Variants in ZNF600 observed in about 807,000 individuals in gnomAD.
ZNF600 encodes the protein zinc finger protein KR-ZNF1.
In ZNF600, 4 loss-of-function variants were observed where a neutral mutation model predicts 7.3. That is an observed-to-expected ratio of 0.55 (90% confidence interval 0.27 to 1.25). The LOEUF (loss-of-function observed/expected upper bound fraction) is 1.25, where lower values mean the gene tolerates loss of function less well. Among genes scored for constraint, ZNF600 ranks in the 50% most tolerant of loss-of-function variants. The pLI is 0.12. For synonymous variants in ZNF600, 290 were observed against 308.9 expected, an observed-to-expected ratio of 0.94 and a Z score of 0.64; for missense variants, 911 against 922.1, an observed-to-expected ratio of 0.99 and a Z score of 0.16.
At chr19:52,832,035 C>T in the ZNF600 span, among the ~76,000 whole-genome samples, 2 of 152,098 alleles carry the variant, frequency 1.3e-5, no homozygotes, top group Non-Finnish European at 2.9e-5. Flanking sequence ...GTGTTTTCTA[C>T]ATAAACCATG....
the ZNF600 span, chr19:52,810,742 G>C: frequency 1.6e-6 from 1 of 622,834 alleles, no homozygotes; most frequent in Non-Finnish European, 2.8e-6. Flanking sequence ...AGGAAAAAAA[G>C]AGGAAAGAAG....
exon 4 of ZNF600, chr19:52,765,611 A>G (rs1372610617): frequency 6.2e-7 from 1 of 1,613,884 alleles, no homozygotes; most frequent in Non-Finnish European, 8.5e-7. Context: ...CTACACCATG[A>G]ACTGCCTGAT....
chr19:52,785,029 G>A (rs183111428), intron 1 of ZNF600, among the ~76,000 whole-genome samples: 71 of 151,986 alleles, frequency 4.7e-4, no homozygotes, highest in African/African-American at 1.3e-3. Context: ...GAGCCACTGC[G>A]CCCAGCCCCT....
At chr19:52,821,894 C>T in the ZNF600 span, among the ~76,000 whole-genome samples, 30 of 150,504 alleles carry the variant, frequency 2.0e-4, no homozygotes, top group Middle Eastern at 6.8e-3. Context: ...CAGAGCCAGA[C>T]TCCGTCTCTA....
At chr19:52,806,959 G>C in the ZNF600 span, among the ~76,000 whole-genome samples, 3 of 152,164 alleles carry the variant, frequency 2.0e-5, no homozygotes, top group Non-Finnish European at 4.4e-5. Flanking sequence ...CGGGGGCAAA[G>C]AAAGATATCT....
At chr19:52,778,704 G>T in intron 2 of ZNF600, 122 bp downstream of exon 4, 2 of 1,341,998 alleles carry the variant, frequency 1.5e-6, no homozygotes, top group South Asian at 1.4e-5. Context: ...GGGCAGGCAT[G>T]GCTGAGTGTG....
chr19:52,773,881 G>A (rs1280132649), intron 3 of ZNF600, among the ~76,000 whole-genome samples: 1 of 150,264 alleles, frequency 6.7e-6, no homozygotes, highest in Non-Finnish European at 1.5e-5. Context: ...AAAAAAAAAA[G>A]AAGAAACTAT....
At chr19:52,802,859 C>G in the ZNF600 span, among the ~76,000 whole-genome samples, 7 of 147,392 alleles carry the variant, frequency 4.7e-5, no homozygotes, top group Non-Finnish European at 1.0e-4. Flanking sequence ...CTCCCGGGTT[C>G]ACGCCATTCT....
At chr19:52,833,625 A>G in the ZNF600 span, among the ~76,000 whole-genome samples, 3 of 152,122 alleles carry the variant, frequency 2.0e-5, no homozygotes, top group African/African-American at 7.2e-5. Flanking sequence ...TTAGAAATCA[A>G]TCCTGTACGT....
At chr19:52,828,035 T>G in the ZNF600 span, among the ~76,000 whole-genome samples, 2 of 151,962 alleles carry the variant, frequency 1.3e-5, no homozygotes, top group Non-Finnish European at 2.9e-5. Flanking sequence ...AGGCACTTTG[T>G]GATTTTTTTT....
the ZNF600 span, among the ~76,000 whole-genome samples, chr19:52,817,312 C>T: frequency 2.6e-5 from 4 of 151,986 alleles, no homozygotes; most frequent in Admixed American, 2.6e-4. Context: ...GCGGAGGTTG[C>T]GGTGAGCTGA....
At position 52,780,357 on chromosome 19, in the gene ZNF600, A is replaced by C. The variant is rs150054288; in HGVS notation, c.-19-1450T>G. Among the ~76,000 whole-genome samples, 224 of 152,284 alleles carry C rather than the reference A, an allele frequency of 1.5e-3. 1 individual carries two copies. The highest frequency in any genetic ancestry group is 5.2e-3 in the African/African-American group (216 of 41,568). On this transcript the variant is annotated intron_variant, in intron 1 of 3. Transcript: ENST00000648973. ...ATATCAGAACAAGGACCTAGGAAAG[A>C]AAGGCTGCTTGTCACTTGCAGCTGA...
the ZNF600 span, chr19:52,800,158 T>G: frequency 1.2e-6 from 2 of 1,613,724 alleles, no homozygotes; most frequent in Admixed American, 3.3e-5. Flanking sequence ...ATGTGTGATT[T>G]GCGACTGAAA....
chr19:52,817,144 AG>A, the ZNF600 span, among the ~76,000 whole-genome samples: 1 of 152,100 alleles, frequency 6.6e-6, no homozygotes, highest in Non-Finnish European at 1.5e-5. Flanking sequence ...AAGCCAAAGT[AG>A]GCGGATCGCC....
At chr19:52,787,816 T>C (rs1458577757), upstream of ZNF600, among the ~76,000 whole-genome samples, 6 of 143,276 alleles carry the variant, frequency 4.2e-5, no homozygotes, top group Non-Finnish European at 6.0e-5. Context: ...GCCAAGATCG[T>C]GCCACTGCAC....
chr19:52,766,225 A>C (rs2062574452), exon 4 of ZNF600: 2 of 1,613,348 alleles, frequency 1.2e-6, no homozygotes. Flanking sequence ...GCAAGGTATG[A>C]CCTCAGACGG....
intron 2 of ZNF600, among the ~76,000 whole-genome samples, chr19:52,777,589 T>A (rs2147541132): frequency 6.6e-6 from 1 of 152,266 alleles, no homozygotes; most frequent in South Asian, 2.1e-4. Context: ...CCCAGCACTT[T>A]GGGAGTCCAA....
chr19:52,797,800 A>C, the ZNF600 span: 4 of 152,214 alleles, frequency 2.6e-5, no homozygotes, highest in African/African-American at 9.6e-5. Context: ...CACAATACTC[A>C]TAGAAATCCC....
chr19:52,785,245 C>CTT (rs879349377), intron 1 of ZNF600, among the ~76,000 whole-genome samples: 72 of 145,036 alleles, frequency 5.0e-4, no homozygotes, highest in African/African-American at 1.7e-3. Flanking sequence ...TATTTAACCT[C>CTT]TTTTTTTTTT....
Sources: gnomAD v4.1 joint callset for allele counts (sites outside exome capture counted in the v4.1 genomes callset) on GRCh38, gnomAD v4.1.1 for gene constraint, MANE v1.5 for transcripts, NCBI Gene and HGNC (gene_info 2026-07-23, HGNC 2026-07-21) for gene names.